NUP210: variants seen among roughly 807,000 people sequenced by gnomAD.
NUP210 encodes the protein nucleoporin 210.
Under a neutral mutation model 196.0 loss-of-function variants are expected in NUP210, and 151 were observed. That is an observed-to-expected ratio of 0.77 (90% CI 0.67 to 0.88). The LOEUF is 0.88. NUP210 is among the 40% of genes least tolerant of loss of function. The pLI is 0.00. For missense variants in NUP210, 2,314 were observed against 2,493.7 expected (o/e 0.93, Z 1.53); for synonymous variants, 1,070 against 1,052.7 (o/e 1.02, Z -0.32).
At chr3:13,418,145 T>G (rs1700406635) in intron 1 of NUP210, among the ~76,000 whole-genome samples, 2 of 152,226 alleles carry the variant, frequency 1.3e-5, no homozygotes, top group African/African-American at 4.8e-5. Flanking sequence ...CACACAAGAC[T>G]AGGCCTTAGA....
In NUP210 at chr3:13,371,374, C is replaced by T. The variant is rs116626369; in HGVS notation, c.1786+460G>A. ...ATGCAAAGTGCCTGTCCTGTCCTGA[C>T]AGGACTGACACTGGATAAACTATCA... is the stretch of plus-strand genomic sequence containing the variant. On this transcript the variant is annotated intron_variant, in intron 13 of 39. Transcript: ENST00000254508. Among the ~76,000 whole-genome samples the T allele has an allele frequency of 3.3e-3, 496 of 152,320 alleles. 5 individuals carry two copies. Among genetic ancestry groups the T allele is most frequent in the African/African-American group, 0.012 (485 of 41,562 alleles).
intron 32 of NUP210, among the ~76,000 whole-genome samples, chr3:13,326,240 C>T (rs1398093122): frequency 1.3e-5 from 2 of 152,242 alleles, no homozygotes; most frequent in African/African-American, 4.8e-5. Flanking sequence ...TGGCATGAAG[C>T]TTTAGCTGAC....
Position 13,348,721 on chromosome 3 carries a change from G to A in NUP210, c.2835+3158C>T. ...CCACAAGCATGTCCCCAGCTGCTGAGGGCGTCCTGCCATCCAAGGGTCTGC... is the reference window on the plus strand; with the variant it reads ...CCACAAGCATGTCCCCAGCTGCTGAAGGCGTCCTGCCATCCAAGGGTCTGC... On this transcript the variant is annotated intron_variant, in intron 20 of 39. Coordinates refer to ENST00000254508, the MANE Select transcript of NUP210 (RefSeq NM_024923.4). This position sits in a 1 kb window ranked among gnomAD's most constrained non-coding sequence, Gnocchi z 4.0. 3.0e-6 allele frequency: 3 copies of A among 985,352 alleles called. No individual in the cohort carries two copies. Among genetic ancestry groups the A allele is most frequent in the South Asian group, 9.4e-5 (2 of 21,286 alleles). The allele number at this position is 985,352 out of a possible 1,614,324, so 61.0% of individuals were successfully genotyped here.
At chr3:13,373,910 C>T in intron 11 of NUP210, 37 bp from the exon 12 acceptor site, 2 of 1,606,406 alleles carry the variant, frequency 1.2e-6, no homozygotes, top group South Asian at 1.1e-5. Flanking sequence ...CAGCCACCCA[C>T]CCTTAGCCTG....
In NUP210 at chr3:13,332,507, G is replaced by A. The variant is rs546086767; in HGVS notation, c.3844-123C>T. On this transcript the variant is annotated intron_variant, in intron 28 of 39. Coordinates refer to ENST00000254508, the MANE Select transcript of NUP210 (RefSeq NM_024923.4). Reference sequence around the variant, plus strand: ...CAGAGAGGAGAAAAGCGGCTTTCTCGTCTGTCAGGTCACTGATGACATGAT... The same window carrying A: ...CAGAGAGGAGAAAAGCGGCTTTCTCATCTGTCAGGTCACTGATGACATGAT... 85 of 715,530 alleles carry A rather than the reference G, an allele frequency of 1.2e-4. 1 individual carries two copies. The highest frequency in any genetic ancestry group is 8.5e-4 in the South Asian group (54 of 63,180). The allele number at this position is 715,530 out of a possible 1,614,324, so 44.3% of individuals were successfully genotyped here.
intron 3 of NUP210, among the ~76,000 whole-genome samples, chr3:13,395,551 C>T (rs2655249): frequency 1.3e-5 from 2 of 152,214 alleles, no homozygotes; most frequent in Admixed American, 6.5e-5. Flanking sequence ...TTCCTGACCT[C>T]GAGTGATCTG....
intron 3 of NUP210, among the ~76,000 whole-genome samples, chr3:13,396,173 C>T (rs1339886537): frequency 2.0e-5 from 3 of 152,212 alleles, no homozygotes; most frequent in Non-Finnish European, 2.9e-5. Context: ...GGAGACACTA[C>T]TAACATCTAG....
At chr3:13,342,858 C>T in intron 21 of NUP210, among the ~76,000 whole-genome samples, 1 of 152,224 alleles carries the variant, frequency 6.6e-6, no homozygotes, top group East Asian at 1.9e-4. Context: ...CTCAGCAGGG[C>T]ATGTGCCTCG....
intron 1 of NUP210, among the ~76,000 whole-genome samples, chr3:13,419,747 T>G (rs1441547077): frequency 2.6e-5 from 4 of 151,872 alleles, no homozygotes; most frequent in Admixed American, 2.6e-4. Context: ...CCGGCCGGCT[T>G]GGGCCCTGCG....
intron 25 of NUP210, among the ~76,000 whole-genome samples, chr3:13,339,281 G>C (rs1428563042): frequency 6.6e-6 from 1 of 152,200 alleles, no homozygotes; most frequent in Non-Finnish European, 1.5e-5. Flanking sequence ...ACTGCTTCCA[G>C]GGGACCTAGT....
At position 13,319,146 on chromosome 3, in the gene NUP210, GTGTGGTAGGC is replaced by G. The variant is rs780081369; in HGVS notation, c.5480-1_5488del. On this transcript the variant is annotated splice_acceptor_variant and coding_sequence_variant, in exon 39 of 40. Transcript: ENST00000254508. LOFTEE classifies it high-confidence loss of function. ...AGCAAGATCCCGGGGCGTGCAGACA[GTGTGGTAGGC>G]TGCAAGAGCACAGGGTTGGTTAGAG... 1 of 1,611,074 alleles carries G rather than the reference GTGTGGTAGGC, an allele frequency of 6.2e-7. No homozygotes were observed.
intron 33 of NUP210, among the ~76,000 whole-genome samples, 185 bp downstream of exon 33, chr3:13,325,610 G>GA (rs921075590): frequency 3.3e-5 from 5 of 151,740 alleles, no homozygotes; most frequent in African/African-American, 1.2e-4. Context: ...CTGAAGCCTG[G>GA]AAAAAAAAGG....
chr3:13,364,938 G>A (rs982958006), intron 14 of NUP210, among the ~76,000 whole-genome samples: 6 of 152,184 alleles, frequency 3.9e-5, no homozygotes, highest in Non-Finnish European at 5.9e-5. Flanking sequence ...CATGAGGACC[G>A]GAGCTGTCTT....
chr3:13,401,162 G>A (rs1477751819), intron 1 of NUP210, among the ~76,000 whole-genome samples: 1 of 114,408 alleles, frequency 8.7e-6, no homozygotes, highest in Non-Finnish European at 1.8e-5. Context: ...GGTAGGCTGA[G>A]GCAGGAGAAT....
chr3:13,325,767 C>T (rs764687137), intron 33 of NUP210, 28 bp downstream of exon 33: 2 of 1,610,322 alleles, frequency 1.2e-6, no homozygotes, highest in South Asian at 2.2e-5. Context: ...CACTGAGCCA[C>T]ATGTGCCTCC....
At chr3:13,349,304 T>C (rs1697883013) in intron 20 of NUP210, among the ~76,000 whole-genome samples, 1 of 152,168 alleles carries the variant, frequency 6.6e-6, no homozygotes, top group Admixed American at 6.5e-5. Context: ...ATTCGTTTCC[T>C]AGGAGGGGCA....
chr3:13,378,949 G>T lies in NUP210; in HGVS notation c.1008C>A (p.Pro336=). The change falls in exon 8 of 40, where the codon CCC becomes CCA. Residue 336 remains proline (P), a synonymous_variant. Coordinates refer to ENST00000254508, the MANE Select transcript of NUP210 (RefSeq NM_024923.4). ...SIRMQGASRL[P]NSTIYVVEPG... The stretch of plus-strand genomic sequence containing the variant: ...GTTCGACCACGTAGATAGTGCTGTT[G>T]GGTAACCTAGAAGCACCTTGCATGC... 6.2e-7 allele frequency: 1 copy of T among 1,614,130 alleles called. No homozygotes were observed. The highest frequency in any genetic ancestry group is 8.5e-7 in the Non-Finnish European group (1 of 1,179,988).
At chr3:13,415,988 C>A (rs1040569072) in intron 1 of NUP210, among the ~76,000 whole-genome samples, 1 of 152,168 alleles carries the variant, frequency 6.6e-6, no homozygotes, top group African/African-American at 2.4e-5. Context: ...CCCACAGTCA[C>A]CCCTCAGCAA....
Position 13,323,685 on chromosome 3 carries a change from C to A in NUP210, c.4645-253G>T, listed in dbSNP as rs149679044. On this transcript the variant is annotated intron_variant, in intron 33 of 39. Coordinates refer to ENST00000254508, the MANE Select transcript of NUP210 (RefSeq NM_024923.4). The surrounding 1 kb of genome is among the most constrained non-coding windows in gnomAD (Gnocchi z 4.3). ...CCCCAGCAGCTGACTGGACGCTGAGCAGCGGGCCTGAATTCATTAATCGAT... is the reference window on the plus strand; with the variant it reads ...CCCCAGCAGCTGACTGGACGCTGAGAAGCGGGCCTGAATTCATTAATCGAT... Among the ~76,000 whole-genome samples, 7 of 152,334 alleles carry A rather than the reference C, an allele frequency of 4.6e-5. No homozygotes were observed. The East Asian group carries it at 1.4e-3, about 29-fold the overall frequency.
Sources: allele counts gnomAD v4.1 joint callset (sites outside exome capture counted in the v4.1 genomes callset), GRCh38; gene constraint gnomAD v4.1.1; non-coding constraint Gnocchi (gnomAD v3.1); transcripts MANE v1.5; gene names NCBI Gene and HGNC (gene_info 2026-07-23, HGNC 2026-07-21).